SDK1: variants seen among roughly 807,000 people sequenced by gnomAD.
SDK1 encodes the protein protein sidekick-1.
A neutral mutation model predicts 245.5 loss-of-function variants in SDK1; 157 were observed. The ratio of observed to expected loss-of-function variants is 0.64; its 90% CI spans 0.56 to 0.73. The LOEUF (loss-of-function observed/expected upper bound fraction) is 0.73. Ranked by LOEUF, SDK1 falls within the 30% of genes least tolerant of loss-of-function variation. SDK1 has a pLI of 0.00. For synonymous variants in SDK1, 1,647 were observed against 1,278.5 expected, an observed-to-expected ratio of 1.29 and a Z score of -6.15; for missense variants, 3,583 against 3,002.3, an observed-to-expected ratio of 1.19 and a Z score of -4.52.
intron 2 of SDK1, among the ~76,000 whole-genome samples, chr7:3,630,091 A>G (rs1336966493): frequency 1.3e-5 from 2 of 152,246 alleles, no homozygotes; most frequent in African/African-American, 4.8e-5. Context: ...AAAGGCAGAT[A>G]GAAAAAAAAT....
At chr7:3,532,058 C>T (rs1355985116) in intron 1 of SDK1, among the ~76,000 whole-genome samples, 1 of 152,116 alleles carries the variant, frequency 6.6e-6, no homozygotes, top group Admixed American at 6.6e-5. Flanking sequence ...ATAAATTTAA[C>T]TATTGTTGAT....
chr7:3,479,795 G>C (rs902384923), intron 1 of SDK1, among the ~76,000 whole-genome samples: 2 of 151,816 alleles, frequency 1.3e-5, no homozygotes, highest in African/African-American at 4.8e-5. Flanking sequence ...CTGGGAGGCA[G>C]AGGTTGAAGT....
At chr7:3,586,385 A>AC (rs1237142700) in intron 1 of SDK1, among the ~76,000 whole-genome samples, 1 of 151,424 alleles carries the variant, frequency 6.6e-6, no homozygotes, top group South Asian at 2.1e-4. Flanking sequence ...AGGGCTCGAG[A>AC]CCCCCCATGA....
chr7:3,770,359 C>T (rs1780374021), intron 4 of SDK1, among the ~76,000 whole-genome samples: 1 of 152,150 alleles, frequency 6.6e-6, no homozygotes, highest in South Asian at 2.1e-4. Flanking sequence ...TTTCGCCATT[C>T]ACCTATTGAA....
chr7:3,631,956 C>T (rs558847869), intron 2 of SDK1, among the ~76,000 whole-genome samples: 6 of 152,160 alleles, frequency 3.9e-5, no homozygotes, highest in South Asian at 4.1e-4. Context: ...TTCCATTATG[C>T]GTTGGAATGG....
chr7:4,139,214 T>TA (rs1779301489), intron 28 of SDK1, among the ~76,000 whole-genome samples: 1 of 151,212 alleles, frequency 6.6e-6, no homozygotes, highest in African/African-American at 2.4e-5. Flanking sequence ...ACCTCCCAAA[T>TA]CGCCACTTGC....
chr7:3,789,074 C>G (rs895528208), intron 4 of SDK1, among the ~76,000 whole-genome samples: 5 of 152,152 alleles, frequency 3.3e-5, no homozygotes, highest in Non-Finnish European at 7.3e-5. Context: ...TACTGTTTGT[C>G]AAGGATACAG....
At chr7:3,748,040 C>T (rs1779675100) in intron 4 of SDK1, among the ~76,000 whole-genome samples, 1 of 151,868 alleles carries the variant, frequency 6.6e-6, no homozygotes, top group Non-Finnish European at 1.5e-5. Flanking sequence ...CTGTATATCA[C>T]AGTTACTATA....
At chr7:4,002,346 T>C (rs1311657257) in intron 14 of SDK1, among the ~76,000 whole-genome samples, 1 of 152,186 alleles carries the variant, frequency 6.6e-6, no homozygotes, top group Non-Finnish European at 1.5e-5. Context: ...TGTCTGGGCT[T>C]TCAAAACTGT....
chr7:3,674,592 A>G (rs963181501), intron 4 of SDK1, among the ~76,000 whole-genome samples: 17 of 152,160 alleles, frequency 1.1e-4, no homozygotes, highest in African/African-American at 3.4e-4. Flanking sequence ...ATTCATATAC[A>G]GGAGATGAGG....
intron 1 of SDK1, among the ~76,000 whole-genome samples, chr7:3,565,601 C>A (rs530094340): frequency 6.6e-6 from 1 of 152,320 alleles, no homozygotes; most frequent in African/African-American, 2.4e-5. Flanking sequence ...ACAGTCATCT[C>A]TTGGTATCTG....
chr7:3,823,352 C>A (rs1284540522), intron 5 of SDK1, among the ~76,000 whole-genome samples: 1 of 152,008 alleles, frequency 6.6e-6, no homozygotes, highest in Admixed American at 6.6e-5. Context: ...AATAATGAGT[C>A]AAAGGGGGTG....
intron 4 of SDK1, among the ~76,000 whole-genome samples, chr7:3,642,417 C>G (rs1330172800): frequency 6.6e-6 from 1 of 152,136 alleles, no homozygotes; most frequent in South Asian, 2.1e-4. Flanking sequence ...ATTGTCATCC[C>G]TGAGTTGGGT....
At chr7:3,489,621 TTAGC>T (rs1457483972) in intron 1 of SDK1, among the ~76,000 whole-genome samples, 1 of 152,180 alleles carries the variant, frequency 6.6e-6, no homozygotes, top group Non-Finnish European at 1.5e-5. Flanking sequence ...CAAGATGTGA[TTAGC>T]TACCCAGTTT....
chr7:3,474,154 G>A (rs1301371488), intron 1 of SDK1, among the ~76,000 whole-genome samples: 1 of 140,754 alleles, frequency 7.1e-6, no homozygotes, highest in Non-Finnish European at 1.5e-5. Flanking sequence ...CCAGGCTGGG[G>A]CGCGGTGGCT....
intron 5 of SDK1, among the ~76,000 whole-genome samples, chr7:3,886,985 A>G (rs908203979): frequency 2.6e-5 from 4 of 152,240 alleles, no homozygotes; most frequent in Non-Finnish European, 4.4e-5. Flanking sequence ...CCTACTCTGA[A>G]GAGAAACCAA....
At chr7:3,399,928 A>T (rs1778841388) in intron 1 of SDK1, among the ~76,000 whole-genome samples, 1 of 152,116 alleles carries the variant, frequency 6.6e-6, no homozygotes. Flanking sequence ...TGTGGTGTTA[A>T]TCAATTGCAG....
intron 19 of SDK1, among the ~76,000 whole-genome samples, chr7:4,066,550 C>T (rs1252749687): frequency 1.3e-5 from 2 of 152,166 alleles, no homozygotes; most frequent in African/African-American, 4.8e-5. Context: ...AGGCACATGG[C>T]AGGGCTTGGG....
intron 17 of SDK1, among the ~76,000 whole-genome samples, chr7:4,030,509 C>G (rs566905210): frequency 5.9e-5 from 9 of 152,316 alleles, no homozygotes; most frequent in African/African-American, 2.2e-4. Context: ...AGGACTCCTG[C>G]CCAGCAAGTT....
Sources: gnomAD v4.1 joint callset for allele counts (sites outside exome capture counted in the v4.1 genomes callset) on GRCh38, gnomAD v4.1.1 for gene constraint, MANE v1.5 for transcripts, NCBI Gene and HGNC (gene_info 2026-07-23, HGNC 2026-07-21) for gene names.